Variants in RGS22 observed in about 807,000 individuals in gnomAD.
RGS22 encodes regulator of G-protein signaling 22.
RGS22 carries 148 observed loss-of-function variants against 172.9 expected under a neutral mutation model. That is an observed-to-expected ratio of 0.86 (90% CI 0.75 to 0.98). The LOEUF (loss-of-function observed/expected upper bound fraction) is 0.98. RGS22 is among the 50% of genes least tolerant of loss of function. RGS22 has a pLI of 0.00. For missense variants in RGS22, 1,347 were observed against 1,440.8 expected (o/e 0.93, Z 1.05); for synonymous variants, 458 against 480.2 (o/e 0.95, Z 0.60).
In RGS22 at chr8:100,072,166, C is replaced by T; in HGVS notation, c.404G>A (p.Ser135Asn). 2 of 1,600,514 alleles carry T rather than the reference C, an allele frequency of 1.2e-6. No individual in the cohort carries two copies. Among genetic ancestry groups the T allele is most frequent in the Non-Finnish European group, 1.7e-6 (2 of 1,172,012 alleles). ...GTACCTGTATTCAAAGTAACAATCACTTTCCAGAAATGCTGGAAGTCTTTC... is the reference window on the plus strand; with the variant it reads ...GTACCTGTATTCAAAGTAACAATCATTTTCCAGAAATGCTGGAAGTCTTTC... ...KKERLPAFLE[S>N]DCYFEYRLAK... The change falls in exon 5 of 28, where the codon AGT (serine) becomes AAT (asparagine). Residue 135 changes from serine (S) to asparagine (N), a missense_variant. By Grantham distance (46) the Ser-to-Asn change is conservative (BLOSUM62 1). Coordinates refer to ENST00000360863, the MANE Select transcript of RGS22 (RefSeq NM_015668.5).
chr8:100,047,974 C>T (rs775228300), intron 10 of RGS22, among the ~76,000 whole-genome samples: 1 of 151,022 alleles, frequency 6.6e-6, no homozygotes, highest in African/African-American at 2.4e-5. Flanking sequence ...GGGGGGGGTG[C>T]GGGTGTCAGC....
At chr8:99,978,629 C>T (rs1307660839) in intron 22 of RGS22, among the ~76,000 whole-genome samples, 1 of 152,156 alleles carries the variant, frequency 6.6e-6, no homozygotes, top group Non-Finnish European at 1.5e-5. Context: ...AGAAAAGTAA[C>T]ATTTAAAAAG....
intron 14 of RGS22, among the ~76,000 whole-genome samples, chr8:100,014,743 TAC>T (rs1816771409): frequency 6.6e-6 from 1 of 152,190 alleles, no homozygotes; most frequent in Non-Finnish European, 1.5e-5. Context: ...TTCATGCCCC[TAC>T]AGTTTCTCAC....
intron 23 of RGS22, among the ~76,000 whole-genome samples, chr8:99,976,753 G>A (rs1399246986): frequency 6.6e-6 from 1 of 152,040 alleles, no homozygotes; most frequent in Non-Finnish European, 1.5e-5. Context: ...CAGGGCTGAG[G>A]TTACTAGATC....
At chr8:100,017,504 A>G (rs940079586) in intron 14 of RGS22, among the ~76,000 whole-genome samples, 1 of 152,234 alleles carries the variant, frequency 6.6e-6, no homozygotes, top group African/African-American at 2.4e-5. Context: ...ATACAATAAA[A>G]TTATAGTACA....
intron 3 of RGS22, among the ~76,000 whole-genome samples, chr8:100,081,611 G>A (rs997708805): frequency 1.3e-5 from 2 of 151,878 alleles, no homozygotes; most frequent in Non-Finnish European, 2.9e-5. Flanking sequence ...TTCATTAGTT[G>A]CCCACTGCAT....
chr8:100,038,958 C>CTG lies in RGS22; in HGVS notation c.2137_2138dup (p.Gln713HisfsTer38). On this transcript the variant is annotated frameshift_variant, in exon 14 of 28. Coordinates refer to ENST00000360863, the MANE Select transcript of RGS22 (RefSeq NM_015668.5). LOFTEE classifies it high-confidence loss of function. Reference sequence around the variant, plus strand: ...GCGCTTGCTTGCATACTTTAAAAGGCTGAAGTGTTTCTTGGTAGAAAAGCT... The same window carrying CTG: ...GCGCTTGCTTGCATACTTTAAAAGGCTGTGAAGTGTTTCTTGGTAGAAAAGCT... 5 of 1,611,978 alleles carry CTG rather than the reference C, an allele frequency of 3.1e-6. No individual in the cohort carries two copies. The highest frequency in any genetic ancestry group is 4.2e-6 in the Non-Finnish European group (5 of 1,178,734).
intron 14 of RGS22, among the ~76,000 whole-genome samples, chr8:100,012,270 T>A (rs1405125826): frequency 6.6e-6 from 1 of 151,882 alleles, no homozygotes. Flanking sequence ...AACCAGTGAT[T>A]AAGATAAGGG....
chr8:100,089,308 T>C (rs1270370300), intron 3 of RGS22, among the ~76,000 whole-genome samples: 2 of 152,098 alleles, frequency 1.3e-5, no homozygotes, highest in African/African-American at 4.8e-5. Flanking sequence ...AGTCAGCCCA[T>C]TTAATTGTTA....
chr8:99,997,475 A>G (rs1456729667), intron 19 of RGS22, among the ~76,000 whole-genome samples: 1 of 152,212 alleles, frequency 6.6e-6, no homozygotes, highest in Non-Finnish European at 1.5e-5. Flanking sequence ...TCCTAAAGTC[A>G]ATCCTTCTTC....
At chr8:99,965,708 T>C (rs1810658367) in intron 23 of RGS22, among the ~76,000 whole-genome samples, 1 of 152,166 alleles carries the variant, frequency 6.6e-6, no homozygotes, top group South Asian at 2.1e-4. Flanking sequence ...GAAAAACCAC[T>C]ATAAACATTT....
chr8:99,999,889 G>A (rs374482322), intron 18 of RGS22, among the ~76,000 whole-genome samples: 4 of 152,152 alleles, frequency 2.6e-5, no homozygotes, highest in African/African-American at 7.2e-5. Context: ...TTATAAATAC[G>A]TATATTACCA....
intron 17 of RGS22, 150 bp downstream of exon 17, chr8:100,003,776 C>T (rs1190985524): frequency 3.4e-6 from 2 of 588,378 alleles, no homozygotes; most frequent in African/African-American, 3.8e-5. Context: ...AAAAAGTTAC[C>T]CATACAGATT....
chr8:100,001,361 C>G (rs959175989), intron 18 of RGS22, among the ~76,000 whole-genome samples: 3 of 151,190 alleles, frequency 2.0e-5, no homozygotes, highest in Admixed American at 2.0e-4. Flanking sequence ...CTTAGCCTCC[C>G]GAGTAGCTGG....
At chr8:100,098,866 A>T (rs1215371575) in intron 2 of RGS22, among the ~76,000 whole-genome samples, 21 of 5,154 alleles carry the variant, frequency 4.1e-3, no homozygotes, top group African/African-American at 0.012. Context: ...TATTTTATTT[A>T]TTTTATTTTA....
At chr8:100,044,797 C>G (rs1820541790) in intron 11 of RGS22, among the ~76,000 whole-genome samples, 1 of 152,124 alleles carries the variant, frequency 6.6e-6, no homozygotes, top group Admixed American at 6.6e-5. Context: ...AAGTGTAATG[C>G]TTCCTCGATT....
chr8:100,059,897 T>C (rs1290370508), intron 9 of RGS22, among the ~76,000 whole-genome samples: 41 of 152,162 alleles, frequency 2.7e-4, no homozygotes, highest in Admixed American at 2.7e-3. Flanking sequence ...AAAAAAATGG[T>C]TTTAATAAAA....
At chr8:100,076,713 C>T (rs952557387) in intron 4 of RGS22, among the ~76,000 whole-genome samples, 1 of 152,148 alleles carries the variant, frequency 6.6e-6, no homozygotes, top group Non-Finnish European at 1.5e-5. Flanking sequence ...AATATGTGGG[C>T]CGGGCACGGT....
intron 20 of RGS22, among the ~76,000 whole-genome samples, chr8:99,990,846 C>T (rs1022295593): frequency 6.6e-6 from 1 of 152,186 alleles, no homozygotes; most frequent in Non-Finnish European, 1.5e-5. Flanking sequence ...TGGGAGACAC[C>T]TCCCAGTAGG....
Sources: gnomAD v4.1 joint callset for allele counts (sites outside exome capture counted in the v4.1 genomes callset) on GRCh38, gnomAD v4.1.1 for gene constraint, MANE v1.5 for transcripts, NCBI Gene and HGNC (gene_info 2026-07-23, HGNC 2026-07-21) for gene names.